CLIP3: variants seen among roughly 807,000 people sequenced by gnomAD.
The protein encoded by CLIP3 is CAP-Gly domain-containing linker protein 3.
CLIP3 carries 15 observed loss-of-function variants against 59.4 expected under a neutral mutation model. The observed-to-expected ratio is 0.25, with a 90% confidence interval of 0.17 to 0.39. The LOEUF is 0.39. CLIP3 is among the 10% of genes least tolerant of loss of function. The probability of loss-of-function intolerance (pLI) is 1.00; values close to 1 mark genes in which losing one functional copy is unlikely to be tolerated. For missense variants in CLIP3, 495 were observed against 765.7 expected (o/e 0.65, Z 4.17); for synonymous variants, 300 against 321.6 (o/e 0.93, Z 0.72).
At chr19:36,021,176 A>C (rs1247432387) in intron 7 of CLIP3, among the ~76,000 whole-genome samples, 5 of 151,516 alleles carry the variant, frequency 3.3e-5, no homozygotes, top group Non-Finnish European at 7.4e-5. Context: ...CACTGTGCTC[A>C]GCCTGTTAGC....
chr19:36,021,291 T>G (rs1424379525), intron 7 of CLIP3, among the ~76,000 whole-genome samples: 6 of 147,650 alleles, frequency 4.1e-5, no homozygotes, highest in African/African-American at 1.5e-4. Context: ...GGCGGAAACT[T>G]TTTTTTTTTT....
chr19:36,027,095 G>A (rs369662151), intron 3 of CLIP3, 37 bp downstream of exon 3: 4 of 1,592,366 alleles, frequency 2.5e-6, no homozygotes, highest in African/African-American at 2.7e-5. Flanking sequence ...GTGGGGAACC[G>A]CATCCCCTCT....
At position 36,032,556 on chromosome 19, in the gene CLIP3, G is replaced by A; in HGVS notation, c.-58-141C>T. 1 of 388,922 alleles carries A rather than the reference G, an allele frequency of 2.6e-6. No individual in the cohort carries two copies. Among genetic ancestry groups the A allele is most frequent in the East Asian group, 3.7e-5 (1 of 27,230 alleles). 24.1% of individuals were successfully genotyped at this position (388,922 alleles called of 1,614,324 possible). On this transcript the variant is annotated intron_variant, in intron 1 of 13. Transcript: ENST00000360535. This position sits in a 1 kb window ranked among gnomAD's most constrained non-coding sequence, Gnocchi z 4.3. ...ACCCCCGTTACCCATAGAGGGCCCCGGTGTGTGCGCCCAGCGCCTGCCACC... is the reference window on the plus strand; with the variant it reads ...ACCCCCGTTACCCATAGAGGGCCCCAGTGTGTGCGCCCAGCGCCTGCCACC...
chr19:36,019,042 C>A lies in CLIP3; in HGVS notation c.1055-16G>T. On this transcript the variant is annotated splice_polypyrimidine_tract_variant and intron_variant, in intron 8 of 13. Transcript: ENST00000360535. The stretch of plus-strand genomic sequence containing the variant: ...GCAAAGAGACCTAGGGGTACAGAAT[C>A]CGAGCCTGGTGTTGTCCAAGCCTCT... The A allele has an allele frequency of 1.9e-6, 3 of 1,582,588 alleles. No homozygotes were observed. The highest frequency in any genetic ancestry group is 2.6e-6 in the Non-Finnish European group (3 of 1,162,550).
chr19:36,028,175 CA>C (rs1434254890), intron 2 of CLIP3, among the ~76,000 whole-genome samples: 2 of 151,062 alleles, frequency 1.3e-5, no homozygotes, highest in East Asian at 3.9e-4. Flanking sequence ...CTGACTCTAC[CA>C]AAAATACAAA....
chr19:36,019,473 C>T (rs528429174), intron 7 of CLIP3, 167 bp from the exon 8 acceptor site: 2 of 778,644 alleles, frequency 2.6e-6, no homozygotes, highest in East Asian at 2.7e-5. Flanking sequence ...TGTGCCTCAA[C>T]TTCCTTTGCT....
At position 36,026,857 on chromosome 19, in the gene CLIP3, T is replaced by C; in HGVS notation, c.400+95A>G. 2 of 1,530,900 alleles carry C rather than the reference T, an allele frequency of 1.3e-6. No individual in the cohort carries two copies. The highest frequency in any genetic ancestry group is 1.8e-6 in the Non-Finnish European group (2 of 1,140,116). 94.8% of individuals were successfully genotyped at this position (1,530,900 alleles called of 1,614,324 possible). ...ATACTTTGGGATCCGAAGCTTCGGG[T>C]TCCAGATGGGGCCTGAGTTCTGGGT... On this transcript the variant is annotated intron_variant, in intron 4 of 13. Transcript: ENST00000360535. The surrounding 1 kb of genome is among the most constrained non-coding windows in gnomAD (Gnocchi z 6.3).
At chr19:36,025,547 C>T (rs1371339847) in intron 6 of CLIP3, among the ~76,000 whole-genome samples, 1 of 147,546 alleles carries the variant, frequency 6.8e-6, no homozygotes, top group African/African-American at 2.5e-5. Context: ...GCCGAGATTG[C>T]ACCACTGCAC....
intron 7 of CLIP3, among the ~76,000 whole-genome samples, chr19:36,020,517 T>C (rs575004930): frequency 4.0e-5 from 6 of 151,864 alleles, no homozygotes; most frequent in African/African-American, 1.2e-4. Flanking sequence ...GGCAGGAGAA[T>C]TGCTTGAACC....
Position 36,016,136 on chromosome 19 carries a change from CTT to C in CLIP3, c.*20_*21del, listed in dbSNP as rs1968791821. ...GGAGATGCTAGTGGGGACTCTGTCT[CTT>C]TGTCAGGTGTCCAGGGCCTCTAAGA... On this transcript the variant is annotated 3_prime_UTR_variant, in exon 14 of 14. Transcript: ENST00000360535. The surrounding 1 kb of genome is among the most constrained non-coding windows in gnomAD (Gnocchi z 4.1). 2 of 1,613,706 alleles carry C rather than the reference CTT, an allele frequency of 1.2e-6. No individual in the cohort carries two copies. Among genetic ancestry groups the C allele is most frequent in the South Asian group, 2.2e-5 (2 of 91,060 alleles).
intron 6 of CLIP3, 41 bp from the exon 7 acceptor site, chr19:36,024,673 C>T (rs1969047772): frequency 1.9e-6 from 3 of 1,583,700 alleles, no homozygotes; most frequent in Non-Finnish European, 1.7e-6. Flanking sequence ...CTCAGTGGCA[C>T]AGGTCACACC....
Position 36,032,286 on chromosome 19 carries a change from ATCC to A in CLIP3, c.69_71del (p.Glu23del), listed in dbSNP as rs751280429. The A allele has an allele frequency of 7.6e-5, 98 of 1,296,664 alleles. No individual in the cohort carries two copies. Among genetic ancestry groups the A allele is most frequent in the East Asian group, 4.2e-4 (14 of 33,180 alleles). 80.3% of individuals were successfully genotyped at this position (1,296,664 alleles called of 1,614,324 possible). ...GGCTGGGGGCCTCGGGGACGGGTTC[ATCC>A]TCCTCCTCCTCTTCTTCCTCCTCTC... On this transcript the variant is annotated inframe_deletion, in exon 2 of 14. Coordinates refer to ENST00000360535, the MANE Select transcript of CLIP3 (RefSeq NM_015526.3). This position sits in a 1 kb window ranked among gnomAD's most constrained non-coding sequence, Gnocchi z 4.3.
chr19:36,014,744 T>A lies in CLIP3; in HGVS notation c.*1414A>T. 6.0e-6 allele frequency: 1 copy of A among 166,238 alleles called. No individual in the cohort carries two copies. The highest frequency in any genetic ancestry group is 1.2e-4 in the South Asian group (1 of 8,028). The allele number at this position is 166,238 out of a possible 1,614,324, so 10.3% of individuals were successfully genotyped here. On this transcript the variant is annotated 3_prime_UTR_variant, in exon 14 of 14. Transcript: ENST00000360535. ...GTGAAGGGGCAGTCGTGAGCTGTCC[T>A]TGGTGGTCGGGGCCCCAGGTCCGCC...
intron 2 of CLIP3, among the ~76,000 whole-genome samples, chr19:36,028,996 CTTTTTTTTTTTTTT>C (rs71167588): frequency 3.1e-5 from 2 of 65,212 alleles, no homozygotes; most frequent in East Asian, 1.0e-3. Context: ...ATCTCCTACT[CTTTTTTTTTTTTTT>C]TTTTTTTTTT....
At position 36,016,011 on chromosome 19, in the gene CLIP3, T is replaced by C; in HGVS notation, c.*147A>G. On this transcript the variant is annotated 3_prime_UTR_variant, in exon 14 of 14. Transcript: ENST00000360535. The surrounding 1 kb of genome is among the most constrained non-coding windows in gnomAD (Gnocchi z 4.1). ...TTATTATGGGAGTATCTGTTAATAA[T>C]GGGGCCTCAATGATCGAGGGCTGGC... The C allele has an allele frequency of 1.3e-6, 1 of 765,022 alleles. No homozygotes were observed. Among genetic ancestry groups the C allele is most frequent in the Non-Finnish European group, 2.3e-6 (1 of 441,238 alleles). The allele number at this position is 765,022 out of a possible 1,614,324, so 47.4% of individuals were successfully genotyped here.
Position 36,026,379 on chromosome 19 carries a change from C to A in CLIP3, c.563-114G>T. ...GGTCCCAGAGCCTCCGACGCAGAGC[C>A]CCGCCCCCACCTCGGAGCCCCCCTC... On this transcript the variant is annotated intron_variant, in intron 5 of 13. Coordinates refer to ENST00000360535, the MANE Select transcript of CLIP3 (RefSeq NM_015526.3). This position sits in a 1 kb window ranked among gnomAD's most constrained non-coding sequence, Gnocchi z 6.3. 8.8e-7 allele frequency: 1 copy of A among 1,136,952 alleles called. No homozygotes were observed. The highest frequency in any genetic ancestry group is 1.3e-6 in the Non-Finnish European group (1 of 786,036). The allele number at this position is 1,136,952 out of a possible 1,614,324, so 70.4% of individuals were successfully genotyped here. A position where few individuals can be genotyped will look rare whatever the true frequency, so the allele number is the denominator to read the frequency against.
chr19:36,029,302 G>A (rs1206736510), intron 2 of CLIP3, among the ~76,000 whole-genome samples: 6 of 66,134 alleles, frequency 9.1e-5, no homozygotes, highest in South Asian at 4.4e-4. Flanking sequence ...CCTGGAGTCC[G>A]TCTCAAAAAA....
In CLIP3 at chr19:36,016,182, C is replaced by A; in HGVS notation, c.1620G>T (p.Met540Ile). The A allele has an allele frequency of 1.2e-6, 2 of 1,614,058 alleles. No individual in the cohort carries two copies. Among genetic ancestry groups the A allele is most frequent in the Non-Finnish European group, 1.7e-6 (2 of 1,179,958 alleles). ...RLLFCCWFPW[M>I]LRAEMQS is the part of the protein sequence containing the mutation. ...TCTAAGACTGCATCTCCGCCCTCAG[C>A]ATCCAGGGGAACCAGCAGCAGAACA... is the stretch of plus-strand genomic sequence containing the variant. The change falls in exon 14 of 14, where the codon ATG (methionine) becomes ATT (isoleucine). Residue 540 changes from methionine to isoleucine, a missense_variant. By Grantham distance (10) the Met-to-Ile change is conservative (BLOSUM62 1). Coordinates refer to ENST00000360535, the MANE Select transcript of CLIP3 (RefSeq NM_015526.3). This position sits in a 1 kb window ranked among gnomAD's most constrained non-coding sequence, Gnocchi z 4.1.
In CLIP3 at chr19:36,015,030, G is replaced by A. The variant is rs773358724; in HGVS notation, c.*1128C>T. ...TGAAATTCTCCAGTTTCCAGGGATG[G>A]GAATTCCTGTGTGGGGTTTCCTGGT... On this transcript the variant is annotated 3_prime_UTR_variant, in exon 14 of 14. Coordinates refer to ENST00000360535, the MANE Select transcript of CLIP3 (RefSeq NM_015526.3). 2.0e-5 allele frequency: 3 copies of A among 152,276 alleles called. No homozygotes were observed. The highest frequency in any genetic ancestry group is 4.4e-5 in the Non-Finnish European group (3 of 68,094). 9.4% of individuals were successfully genotyped at this position (152,276 alleles called of 1,614,324 possible). A position where few individuals can be genotyped will look rare whatever the true frequency, so the allele number is the denominator to read the frequency against.
Sources: allele counts gnomAD v4.1 joint callset (sites outside exome capture counted in the v4.1 genomes callset), GRCh38; gene constraint gnomAD v4.1.1; non-coding constraint Gnocchi (gnomAD v3.1); transcripts MANE v1.5; gene names NCBI Gene and HGNC (gene_info 2026-07-23, HGNC 2026-07-21).